The following FADS6 variants were observed in gnomAD, a reference collection of about 807,000 sequenced individuals.
The protein encoded by FADS6 is fatty acid desaturase 6, also known as fatty acid desaturase domain family, member 6.
Under a neutral mutation model 31.7 loss-of-function variants are expected in FADS6, and 28 were observed. That is an observed-to-expected ratio of 0.88 (90% CI 0.66 to 1.21). FADS6 has a LOEUF of 1.21. FADS6 is among the 50% of genes most tolerant of loss of function. The pLI is 0.00. For synonymous variants in FADS6, 191 were observed against 213.1 expected, an observed-to-expected ratio of 0.90 and a Z score of 0.90; for missense variants, 494 against 504.2, an observed-to-expected ratio of 0.98 and a Z score of 0.19.
At chr17:74,892,407 AGCG>A in intron 2 of FADS6, 113 bp downstream of exon 2, 3 of 1,255,996 alleles carry the variant, frequency 2.4e-6, no homozygotes, top group Middle Eastern at 2.7e-4. Flanking sequence ...CATCAGCTGC[AGCG>A]GCCTGCCCCC....
chr17:74,886,005 C>T (rs538297958), intron 2 of FADS6, among the ~76,000 whole-genome samples: 10 of 151,982 alleles, frequency 6.6e-5, no homozygotes, highest in African/African-American at 2.2e-4. Context: ...TTTGGGAGGC[C>T]GAGGCGGGCG....
intron 3 of FADS6, among the ~76,000 whole-genome samples, chr17:74,881,822 G>A (rs890927201): frequency 6.6e-6 from 1 of 152,080 alleles, no homozygotes; most frequent in Non-Finnish European, 1.5e-5. Context: ...CAAGCCCTGG[G>A]ATTTGAACCC....
intron 2 of FADS6, among the ~76,000 whole-genome samples, chr17:74,885,052 ACAACAC>A (rs1201519706): frequency 1.3e-5 from 2 of 151,960 alleles, no homozygotes; most frequent in Non-Finnish European, 2.9e-5. Flanking sequence ...TCTCACCAAG[ACAACAC>A]CAAGGGGATA....
rs367741660 is a variant in FADS6, at chr17:74,882,670, T to A, written c.452A>T (p.His151Leu). Reference protein sequence around the residue: ...AFTAEHATHGHVKMHHAYTNV... With the variant: ...AFTAEHATHGLVKMHHAYTNV... Reference sequence around the variant, plus strand: ...GGTGTAGGCATGGTGCATCTTGACGTGCCCATGCGTGGCGTGCTCTGCAGT... The same window carrying A: ...GGTGTAGGCATGGTGCATCTTGACGAGCCCATGCGTGGCGTGCTCTGCAGT... The change falls in exon 3 of 6, where the codon CAC becomes CTC. Residue 151 changes from histidine (H) to leucine (L), a missense_variant. By Grantham distance (99) the His-to-Leu change is moderately conservative. Transcript: ENST00000612771. 2.5e-6 allele frequency: 4 copies of A among 1,611,452 alleles called. No homozygotes were observed. Among genetic ancestry groups the A allele is most frequent in the Non-Finnish European group, 3.4e-6 (4 of 1,179,116 alleles).
intron 2 of FADS6, among the ~76,000 whole-genome samples, chr17:74,887,846 C>T (rs960635570): frequency 3.7e-4 from 56 of 152,130 alleles, no homozygotes; most frequent in African/African-American, 9.7e-4. Context: ...CCACCACGCC[C>T]GGCTACCTTT....
chr17:74,877,807 G>A lies in FADS6; in HGVS notation c.*524C>T. The A allele has an allele frequency of 4.1e-6, 4 of 986,106 alleles. No homozygotes were observed. Among genetic ancestry groups the A allele is most frequent in the Non-Finnish European group, 4.8e-6 (4 of 830,440 alleles). 61.1% of individuals were successfully genotyped at this position (986,106 alleles called of 1,614,324 possible). ...TTTGGCTGAGGATCGAGGAAGGCCT[G>A]CCAAAAGCAAGCTCACCCTAAGGTC... On this transcript the variant is annotated 3_prime_UTR_variant, in exon 6 of 6. Transcript: ENST00000612771.
chr17:74,875,089 GGCA>G (rs1160674233), downstream of FADS6, among the ~76,000 whole-genome samples: 1 of 152,190 alleles, frequency 6.6e-6, no homozygotes, highest in Non-Finnish European at 1.5e-5. Flanking sequence ...CCCATCTAGA[GGCA>G]GTATATCTGG....
chr17:74,878,597 G>T, intron 5 of FADS6, 120 bp from the exon 6 acceptor site: 1 of 1,255,778 alleles, frequency 8.0e-7, no homozygotes, highest in East Asian at 2.4e-5. Context: ...CTTGTTCCAA[G>T]ATTCTCCGGA....
chr17:74,892,674 C>G lies in FADS6; in HGVS notation c.260G>C (p.Arg87Pro). The G allele has an allele frequency of 6.2e-7, 1 of 1,612,236 alleles. No homozygotes were observed. The highest frequency in any genetic ancestry group is 8.5e-7 in the Non-Finnish European group (1 of 1,179,248). ...TGCAAAGACCAGGGCATTCTCCCAG[C>G]GCAGGCACAGGAAGCCTGCGTGGAG... is the stretch of plus-strand genomic sequence containing the variant. ...FALPAGFLCLRWENALVFASG... is the reference protein window; with the variant it reads ...FALPAGFLCLPWENALVFASG... The change falls in exon 2 of 6, where the codon CGC (arginine) becomes CCC (proline). Residue 87 changes from arginine (R) to proline (P), a missense_variant. Around this residue, in one of 2 missense-constraint regions of FADS6, gnomAD observed 454 missense variants for 438.5 expected, o/e 1.04. Transcript: ENST00000612771.
At chr17:74,882,024 C>T (rs1247294625) in intron 3 of FADS6, among the ~76,000 whole-genome samples, 1 of 150,160 alleles carries the variant, frequency 6.7e-6, no homozygotes, top group Non-Finnish European at 1.5e-5. Flanking sequence ...CAACCTCCGC[C>T]TCCTGGGTTC....
At chr17:74,888,408 G>A (rs938021808) in intron 2 of FADS6, among the ~76,000 whole-genome samples, 8 of 152,196 alleles carry the variant, frequency 5.3e-5, no homozygotes, top group South Asian at 2.1e-4. Flanking sequence ...AGAAGTTGTA[G>A]TTGAACTTAG....
chr17:74,882,140 T>C (rs546511067), intron 3 of FADS6, among the ~76,000 whole-genome samples: 2 of 152,280 alleles, frequency 1.3e-5, no homozygotes, highest in South Asian at 4.1e-4. Flanking sequence ...TTCACCATGT[T>C]GCCCAGGGTG....
At chr17:74,893,286 C>T in intron 1 of FADS6, 66 bp downstream of exon 1, 1 of 1,439,388 alleles carries the variant, frequency 6.9e-7, no homozygotes, top group Non-Finnish European at 9.1e-7. Flanking sequence ...CCCCGCGCCG[C>T]CACCTCCGCC....
intron 3 of FADS6, among the ~76,000 whole-genome samples, chr17:74,881,837 C>G (rs2038573282): frequency 6.6e-6 from 1 of 152,180 alleles, no homozygotes; most frequent in South Asian, 2.1e-4. Context: ...GAACCCAGGT[C>G]TAGCTGCCCC....
Position 74,888,144 on chromosome 17 carries a change from A to ACG in FADS6, c.411+4378_411+4379insCG, listed in dbSNP as rs756023723. Among the ~76,000 whole-genome samples the ACG allele has an allele frequency of 4.6e-3, 521 of 113,754 alleles. 3 individuals are homozygous for ACG. The highest frequency in any genetic ancestry group is 0.013 in the African/African-American group (370 of 28,854). 74.6% of individuals were successfully genotyped at this position (113,754 alleles called of 152,430 possible). On this transcript the variant is annotated intron_variant, in intron 2 of 5. Transcript: ENST00000612771. ...TGAGACACCACACACACACACACAC[A>ACG]CACACACACACGCGCGCGCGCGCGC...
At chr17:74,882,784 C>T in intron 2 of FADS6, 74 bp from the exon 3 acceptor site, 2 of 1,544,622 alleles carry the variant, frequency 1.3e-6, no homozygotes, top group East Asian at 2.4e-5. Flanking sequence ...CTTTGAGAGC[C>T]CGGAGAACAC....
rs1567923927 is a variant in FADS6, at chr17:74,878,432, A to T, written c.1006T>A (p.Tyr336Asn). 1 of 1,614,026 alleles carries T rather than the reference A, an allele frequency of 6.2e-7. No individual in the cohort carries two copies. ...SQFLREKQLP[Y>N]NEDSYLARFQ... The stretch of plus-strand genomic sequence containing the variant: ...CGAGCCAGGTATGAGTCCTCGTTGT[A>T]CGGTAGCTGCTTCTCACGTAGGAAC... Residue 336 changes from tyrosine to asparagine, a missense_variant, in exon 6 of 6, where the codon TAC becomes AAC. By Grantham distance (143) the Tyr-to-Asn change is moderately radical (BLOSUM62 -2). Around this residue, in one of 2 missense-constraint regions of FADS6, gnomAD observed 454 missense variants for 438.5 expected, o/e 1.04. Transcript: ENST00000612771.
rs1234419939 is a variant in FADS6, at chr17:74,893,597, G to A, written c.-2C>T. ...TTCCATCGGCTCCGTGGGTTCCATG[G>A]ACTCTGTGGGCTCGGGCCCGACGCG... is the stretch of plus-strand genomic sequence containing the variant. On this transcript the variant is annotated 5_prime_UTR_variant, in exon 1 of 6. Coordinates refer to ENST00000612771, the MANE Select transcript of FADS6 (RefSeq NM_178128.6). 1 of 1,394,666 alleles carries A rather than the reference G, an allele frequency of 7.2e-7. No individual in the cohort carries two copies. The highest frequency in any genetic ancestry group is 9.3e-7 in the Non-Finnish European group (1 of 1,070,788). The allele number at this position is 1,394,666 out of a possible 1,614,324, so 86.4% of individuals were successfully genotyped here. A position where few individuals can be genotyped will look rare whatever the true frequency, so the allele number is the denominator to read the frequency against.
intron 1 of FADS6, 27 bp downstream of exon 1, chr17:74,893,325 G>T: frequency 6.7e-7 from 1 of 1,501,208 alleles, no homozygotes; most frequent in East Asian, 2.8e-5. Flanking sequence ...CAGCCCGGCC[G>T]GGACGCCGGG....
Sources: gnomAD v4.1 joint callset for allele counts (sites outside exome capture counted in the v4.1 genomes callset) on GRCh38, gnomAD v4.1.1 for gene constraint, gnomAD v4.1.1 regional missense constraint, MANE v1.5 for transcripts, NCBI Gene and HGNC (gene_info 2026-07-23, HGNC 2026-07-21) for gene names.